Variants in GPLD1 observed in about 807,000 individuals in gnomAD.
The protein encoded by GPLD1 is glycosylphosphatidylinositol specific phospholipase D1.
A neutral mutation model predicts 112.6 loss-of-function variants in GPLD1; 84 were observed. The observed-to-expected ratio is 0.75, with a 90% confidence interval of 0.63 to 0.89. The LOEUF (loss-of-function observed/expected upper bound fraction) is 0.89, where lower values mean the gene tolerates loss of function less well. Among genes scored for constraint, GPLD1 ranks in the 40% least tolerant of loss-of-function variants. GPLD1 has a pLI of 0.00. For missense variants in GPLD1, 1,044 were observed against 1,051.5 expected (o/e 0.99, Z 0.10); for synonymous variants, 386 against 403.8 (o/e 0.96, Z 0.53).
chr6:24,478,810 G>A (rs1323440153), intron 3 of GPLD1, among the ~76,000 whole-genome samples: 1 of 151,936 alleles, frequency 6.6e-6, no homozygotes, highest in Non-Finnish European at 1.5e-5. Context: ...ACTATCTTTT[G>A]CAATTCCTCG....
chr6:24,487,165 C>T (rs923129477), intron 1 of GPLD1, among the ~76,000 whole-genome samples: 2 of 152,104 alleles, frequency 1.3e-5, no homozygotes, highest in African/African-American at 4.8e-5. Context: ...AGTCACAACC[C>T]ACAAATACAA....
At chr6:24,446,775 G>A (rs1315300205) in intron 18 of GPLD1, 63 bp downstream of exon 18, 27 of 1,527,436 alleles carry the variant, frequency 1.8e-5, no homozygotes, top group East Asian at 4.6e-5. Flanking sequence ...TGCTCAGTGC[G>A]CTCCATAGCA....
chr6:24,495,026 TG>T, exon 1 of GPLD1: 1 of 1,343,240 alleles, frequency 7.4e-7, no homozygotes, highest in Non-Finnish European at 9.5e-7. Flanking sequence ...TGCGGAGCTG[TG>T]GGGCCCGGCG....
In GPLD1 at chr6:24,489,404, C is replaced by A. The variant is rs771723128; in HGVS notation, c.97+11G>T. 3 of 1,551,694 alleles carry A rather than the reference C, an allele frequency of 1.9e-6. No homozygotes were observed. The highest frequency in any genetic ancestry group is 2.7e-6 in the Non-Finnish European group (3 of 1,123,274). ...GTCCTCTCAACAACATAACAAGACA[C>A]CAGTACTTACCTATTTCTACGTGTG... On this transcript the variant is annotated intron_variant, in intron 1 of 24. Coordinates refer to ENST00000230036, the MANE Select transcript of GPLD1 (RefSeq NM_001503.4).
Position 24,426,938 on chromosome 6 carries a change from T to A in GPLD1, c.*2094A>T, listed in dbSNP as rs1275464499. On this transcript the variant is annotated 3_prime_UTR_variant, in exon 25 of 25. Transcript: ENST00000230036. ...GGTCATCCTGGGAGTGACCCAGAGA[T>A]GCTCTCTAGGGATGTACCTCTTGAT... Among the ~76,000 whole-genome samples the A allele has an allele frequency of 6.6e-6, 1 of 152,192 alleles. No individual in the cohort carries two copies. The highest frequency in any genetic ancestry group is 1.5e-5 in the Non-Finnish European group (1 of 68,036).
At chr6:24,493,841 A>T (rs1328653006), upstream of GPLD1, among the ~76,000 whole-genome samples, 1 of 152,238 alleles carries the variant, frequency 6.6e-6, no homozygotes, top group Non-Finnish European at 1.5e-5. Context: ...GAAAGCTAGC[A>T]AGATACTCTC....
chr6:24,437,997 GA>G (rs1204191639), intron 20 of GPLD1, among the ~76,000 whole-genome samples: 1 of 152,196 alleles, frequency 6.6e-6, no homozygotes, highest in Non-Finnish European at 1.5e-5. Context: ...AGAACTGCAA[GA>G]ACTGCAGACA....
intron 18 of GPLD1, among the ~76,000 whole-genome samples, chr6:24,446,374 G>C (rs1390978463): frequency 6.6e-6 from 1 of 151,976 alleles, no homozygotes; most frequent in Non-Finnish European, 1.5e-5. Flanking sequence ...GCTAGGCATG[G>C]GCACACACGA....
intron 1 of GPLD1, among the ~76,000 whole-genome samples, chr6:24,488,778 TC>T (rs1348800018): frequency 1.3e-5 from 2 of 152,164 alleles, no homozygotes; most frequent in African/African-American, 4.8e-5. Flanking sequence ...TTTAAATAAC[TC>T]TTTGTGGTGC....
At chr6:24,444,808 C>T (rs571080928) in intron 20 of GPLD1, among the ~76,000 whole-genome samples, 8 of 152,140 alleles carry the variant, frequency 5.3e-5, no homozygotes, top group South Asian at 4.2e-4. Flanking sequence ...ATAATCACAC[C>T]GCTGCACTCC....
In GPLD1 at chr6:24,453,964, G is replaced by T. The variant is rs777969917; in HGVS notation, c.1335+51C>A. 4.0e-5 allele frequency: 47 copies of T among 1,161,548 alleles called. No homozygotes were observed. In the East Asian group the frequency reaches 9.8e-4, roughly 24 times the overall value. The allele number at this position is 1,161,548 out of a possible 1,614,324, so 72.0% of individuals were successfully genotyped here. A position where few individuals can be genotyped will look rare whatever the true frequency, so the allele number is the denominator to read the frequency against. On this transcript the variant is annotated intron_variant, in intron 14 of 24. Coordinates refer to ENST00000230036, the MANE Select transcript of GPLD1 (RefSeq NM_001503.4). ...CATCCTGGAGAATCTGCCACAAAATGCAAGAGTAGCTACTAACCACTAGAA... is the reference window on the plus strand; with the variant it reads ...CATCCTGGAGAATCTGCCACAAAATTCAAGAGTAGCTACTAACCACTAGAA...
intron 18 of GPLD1, 104 bp from the exon 19 acceptor site, chr6:24,445,935 C>T (rs1762897046): frequency 2.5e-6 from 2 of 788,486 alleles, no homozygotes; most frequent in South Asian, 2.9e-5. Flanking sequence ...ATCCAGGCCT[C>T]CCAGCAGGCT....
At chr6:24,462,038 A>G (rs917708079) in intron 11 of GPLD1, among the ~76,000 whole-genome samples, 2 of 152,218 alleles carry the variant, frequency 1.3e-5, no homozygotes, top group African/African-American at 4.8e-5. Context: ...GCTTCTCCCA[A>G]CACTGTCTCA....
At chr6:24,460,480 G>T in intron 11 of GPLD1, 81 bp from the exon 12 acceptor site, 1 of 1,436,098 alleles carries the variant, frequency 7.0e-7, no homozygotes, top group Non-Finnish European at 9.5e-7. Context: ...ATATAGTCAA[G>T]TTAATCACAG....
At chr6:24,484,895 A>C (rs1764320423) in intron 2 of GPLD1, among the ~76,000 whole-genome samples, 1 of 152,256 alleles carries the variant, frequency 6.6e-6, no homozygotes, top group Admixed American at 6.5e-5. Context: ...ATGAAGACTT[A>C]ATGTTATTAA....
rs559857514 is a variant in GPLD1 at position 24,470,242 on chromosome 6, T to C, written c.545+2340A>G. On this transcript the variant is annotated intron_variant, in intron 7 of 24. Transcript: ENST00000230036. ...CTTGAGCCTACTTATTCTAGCACCA[T>C]GGAATATCACCAAACATGACCAGTA... Among the ~76,000 whole-genome samples the C allele has an allele frequency of 5.3e-5, 8 of 151,926 alleles. No individual in the cohort carries two copies. In the East Asian group the frequency reaches 1.6e-3, roughly 30 times the overall value.
intron 2 of GPLD1, among the ~76,000 whole-genome samples, 162 bp downstream of exon 2, chr6:24,485,913 C>A (rs1025173099): frequency 2.6e-5 from 4 of 152,204 alleles, no homozygotes; most frequent in Non-Finnish European, 5.9e-5. Flanking sequence ...AAGTGATCCA[C>A]CTGCCTCAGC....
intron 3 of GPLD1, among the ~76,000 whole-genome samples, chr6:24,478,327 T>C (rs1318515422): frequency 2.6e-5 from 4 of 152,172 alleles, no homozygotes; most frequent in African/African-American, 7.2e-5. Context: ...AAACTCCTTA[T>C]AAATATGAGA....
chr6:24,475,367 T>C, intron 4 of GPLD1, 136 bp from the exon 5 acceptor site: 1 of 622,388 alleles, frequency 1.6e-6, no homozygotes, highest in East Asian at 2.7e-5. Flanking sequence ...AAATTGCAGT[T>C]TCTAGTTATT....
Sources: allele counts gnomAD v4.1 joint callset (sites outside exome capture counted in the v4.1 genomes callset), GRCh38; gene constraint gnomAD v4.1.1; transcripts MANE v1.5; gene names NCBI Gene and HGNC (gene_info 2026-07-23, HGNC 2026-07-21).